Variants in UPF3A observed in about 807,000 individuals in gnomAD.
The protein encoded by UPF3A is regulator of nonsense transcripts 3A.
Under a neutral mutation model 53.5 loss-of-function variants are expected in UPF3A, and 42 were observed. The ratio of observed to expected loss-of-function variants is 0.78; its 90% CI spans 0.61 to 1.01. UPF3A has a LOEUF of 1.01. UPF3A is among the 50% of genes least tolerant of loss of function. UPF3A has a pLI of 0.00. For synonymous variants in UPF3A, 237 were observed against 225.3 expected (o/e 1.05, Z -0.47); for missense variants, 575 against 598.0 (o/e 0.96, Z 0.40).
At chr13:114,292,487 G>T (rs1221619438) in intron 7 of UPF3A, among the ~76,000 whole-genome samples, 1 of 145,618 alleles carries the variant, frequency 6.9e-6, no homozygotes, top group Non-Finnish European at 1.5e-5. Context: ...GGCTCAAGGC[G>T]TACACGTGCA....
chr13:114,290,081 T>C (rs2085125024), intron 5 of UPF3A, among the ~76,000 whole-genome samples: 2 of 152,200 alleles, frequency 1.3e-5, no homozygotes. Context: ...GTACTCACCC[T>C]GAGCCAGAGT....
chr13:114,294,939 T>G (rs535167895), intron 7 of UPF3A, among the ~76,000 whole-genome samples: 1 of 144,788 alleles, frequency 6.9e-6, no homozygotes, highest in Non-Finnish European at 1.5e-5. Context: ...GGTGAAACCC[T>G]ATCTCTACTA....
intron 7 of UPF3A, among the ~76,000 whole-genome samples, chr13:114,294,694 A>G (rs1012609490): frequency 8.1e-5 from 12 of 148,302 alleles, no homozygotes; most frequent in Non-Finnish European, 1.6e-4. Flanking sequence ...GCGTGGTGGC[A>G]CACGCCTGTA....
Position 114,299,562 on chromosome 13 carries a change from G to T in UPF3A, c.1007+562G>T, listed in dbSNP as rs551342061. 5.9e-5 allele frequency among the ~76,000 whole-genome samples: 9 copies of T among 152,290 alleles called. No individual in the cohort carries two copies. In the South Asian group the frequency reaches 1.9e-3, roughly 32 times the overall value. On this transcript the variant is annotated intron_variant, in intron 8 of 9. Coordinates refer to ENST00000375299, the MANE Select transcript of UPF3A (RefSeq NM_023011.4). The stretch of plus-strand genomic sequence containing the variant: ...CAGCAGCTTTGGCTGTGCACTGTGG[G>T]TCCTCCCTTTTTCTTTTCCTTTGCT...
chr13:114,289,732 C>T (rs1399245322), intron 5 of UPF3A, among the ~76,000 whole-genome samples: 1 of 152,118 alleles, frequency 6.6e-6, no homozygotes, highest in African/African-American at 2.4e-5. Flanking sequence ...GCAGACAGGC[C>T]TGGGTTCAGC....
chr13:114,289,250 G>C (rs1187558959), intron 5 of UPF3A, among the ~76,000 whole-genome samples: 1 of 152,160 alleles, frequency 6.6e-6, no homozygotes, highest in Non-Finnish European at 1.5e-5. Context: ...ACTTGGCCGG[G>C]TGCGGTGGCT....
intron 3 of UPF3A, chr13:114,285,817 T>C (rs1360210361): frequency 6.5e-6 from 1 of 154,240 alleles, no homozygotes; most frequent in Non-Finnish European, 1.4e-5. Context: ...AAATAACAAA[T>C]TGATAGTTGA....
chr13:114,282,579 C>T, intron 2 of UPF3A: 1 of 985,456 alleles, frequency 1.0e-6, no homozygotes, highest in Non-Finnish European at 1.2e-6. Flanking sequence ...GGGAGTGCGC[C>T]CTGGCCTTGC....
At chr13:114,296,559 A>G (rs1051311647) in intron 7 of UPF3A, among the ~76,000 whole-genome samples, 1 of 152,080 alleles carries the variant, frequency 6.6e-6, no homozygotes, top group East Asian at 1.9e-4. Context: ...AATCGAGAAA[A>G]CAGTGCCTTT....
chr13:114,285,235 A>C (rs576174765), intron 3 of UPF3A: 2 of 152,346 alleles, frequency 1.3e-5, no homozygotes, highest in Non-Finnish European at 2.9e-5. Context: ...TTCAAAAATC[A>C]GTTGACCAAG....
chr13:114,296,785 G>A (rs768223755), intron 7 of UPF3A, among the ~76,000 whole-genome samples: 37 of 152,174 alleles, frequency 2.4e-4, no homozygotes, highest in Non-Finnish European at 4.6e-4. Context: ...TGAATGTGGA[G>A]CACGCAGCTG....
At chr13:114,291,188 T>C (rs981492487) in intron 5 of UPF3A, among the ~76,000 whole-genome samples, 1 of 152,238 alleles carries the variant, frequency 6.6e-6, no homozygotes. Context: ...GAATATGCGA[T>C]GTATCAAAAT....
Position 114,298,820 on chromosome 13 carries a change from C to T in UPF3A, c.847-20C>T, listed in dbSNP as rs2086311158. 6.5e-7 allele frequency: 1 copy of T among 1,532,956 alleles called. No individual in the cohort carries two copies. The highest frequency in any genetic ancestry group is 1.4e-5 in the African/African-American group (1 of 70,698). 95.0% of individuals were successfully genotyped at this position (1,532,956 alleles called of 1,614,324 possible). A position where few individuals can be genotyped will look rare whatever the true frequency, so the allele number is the denominator to read the frequency against. On this transcript the variant is annotated intron_variant, in intron 7 of 9. Transcript: ENST00000375299. The stretch of plus-strand genomic sequence containing the variant: ...AATATGCTCTCAAGGTGATACTTTA[C>T]TAACATTGTAATTTCTCAGCTTCTT...
chr13:114,283,875 C>T lies in UPF3A; in HGVS notation c.421+932C>T, dbSNP rs942115299. 8 of 985,384 alleles carry T rather than the reference C, an allele frequency of 8.1e-6. No homozygotes were observed. The African/African-American group carries it at 1.4e-4, about 17-fold the overall frequency. The allele number at this position is 985,384 out of a possible 1,614,324, so 61.0% of individuals were successfully genotyped here. A position where few individuals can be genotyped will look rare whatever the true frequency, so the allele number is the denominator to read the frequency against. Reference sequence around the variant, plus strand: ...CCCTCCCCTCCCCAGCCACCCTCTTCCGACTCCACGTGTTTTGACACTGAT... The same window carrying T: ...CCCTCCCCTCCCCAGCCACCCTCTTTCGACTCCACGTGTTTTGACACTGAT... On this transcript the variant is annotated intron_variant, in intron 3 of 9. Transcript: ENST00000375299.
chr13:114,299,823 C>CT (rs2086426146), intron 8 of UPF3A, among the ~76,000 whole-genome samples: 1 of 152,244 alleles, frequency 6.6e-6, no homozygotes, highest in African/African-American at 2.4e-5. Flanking sequence ...CCCAGGGCCA[C>CT]TTGGCCCACA....
intron 5 of UPF3A, among the ~76,000 whole-genome samples, chr13:114,290,114 T>TGGGG (rs1452512152): frequency 8.5e-5 from 13 of 152,142 alleles, no homozygotes; most frequent in Non-Finnish European, 1.6e-4. Context: ...CAGGGACCCC[T>TGGGG]GGGGGAGTGT....
At chr13:114,297,032 G>A (rs1458250775) in intron 7 of UPF3A, among the ~76,000 whole-genome samples, 3 of 152,172 alleles carry the variant, frequency 2.0e-5, no homozygotes, top group African/African-American at 4.8e-5. Context: ...CAGCTGACAT[G>A]GGGCCCACGC....
intron 7 of UPF3A, among the ~76,000 whole-genome samples, chr13:114,295,390 C>T (rs1201398393): frequency 1.4e-5 from 2 of 147,452 alleles, no homozygotes; most frequent in African/African-American, 5.1e-5. Context: ...CAGCTCGTCT[C>T]CAGCGGCTCT....
chr13:114,296,124 C>A (rs534983869), intron 7 of UPF3A, among the ~76,000 whole-genome samples: 1 of 152,224 alleles, frequency 6.6e-6, no homozygotes, highest in Non-Finnish European at 1.5e-5. Flanking sequence ...GTGGCTCACG[C>A]CTGTAATCCC....
Sources: gnomAD v4.1 joint callset for allele counts (sites outside exome capture counted in the v4.1 genomes callset) on GRCh38, gnomAD v4.1.1 for gene constraint, MANE v1.5 for transcripts, NCBI Gene and HGNC (gene_info 2026-07-23, HGNC 2026-07-21) for gene names.